Variants in SYNE4 observed in about 807,000 individuals in gnomAD.
SYNE4 encodes the protein nesprin-4.
SYNE4 carries 41 observed loss-of-function variants against 46.9 expected under a neutral mutation model. That is an observed-to-expected ratio of 0.87 (90% confidence interval 0.68 to 1.13). The LOEUF is 1.13. Among genes scored for constraint, SYNE4 ranks in the 50% most tolerant of loss-of-function variants. The pLI is 0.00. For synonymous variants in SYNE4, 221 were observed against 219.5 expected (o/e 1.01, Z -0.06); for missense variants, 492 against 514.8 (o/e 0.96, Z 0.43).
At chr19:36,004,866 CT>C (rs59700541) in intron 6 of SYNE4, among the ~76,000 whole-genome samples, 11,104 of 89,604 alleles carry the variant, frequency 0.12, 225 homozygotes, top group Middle Eastern at 0.18. Context: ...TTCTTTCTTT[CT>C]TTTTTTTTTT....
In SYNE4 at chr19:36,006,475, G is replaced by A. The variant is rs748964412; in HGVS notation, c.815C>T (p.Pro272Leu). The A allele has an allele frequency of 1.9e-6, 3 of 1,612,662 alleles. No individual in the cohort carries two copies. The highest frequency in any genetic ancestry group is 2.5e-6 in the Non-Finnish European group (3 of 1,179,442). ...GQKTARTLGV[P>L]CELCGQRGPQ... Reference sequence around the variant, plus strand: ...CCCCCTCTGGCCACACAGCTCACAGGGCACTCCTAGTGTCCGGGCTGTCTT... The same window carrying A: ...CCCCCTCTGGCCACACAGCTCACAGAGCACTCCTAGTGTCCGGGCTGTCTT... The change falls in exon 5 of 8, where the codon CCC (proline) becomes CTC (leucine). Residue 272 changes from proline to leucine, a missense_variant. By Grantham distance (98) the Pro-to-Leu change is moderately conservative. Transcript: ENST00000324444.
At chr19:36,006,228 G>C in intron 5 of SYNE4, 195 bp downstream of exon 5, 1 of 752,916 alleles carries the variant, frequency 1.3e-6, no homozygotes, top group Non-Finnish European at 2.0e-6. Context: ...GTGAATTTGA[G>C]ATGGGGCTTG....
In SYNE4 at chr19:36,005,543, A is replaced by G. The variant is rs141398351; in HGVS notation, c.868-106T>C. 1.3e-4 allele frequency: 128 copies of G among 977,754 alleles called. No individual in the cohort carries two copies. In the African/African-American group the frequency reaches 1.9e-3, roughly 14 times the overall value. 60.6% of individuals were successfully genotyped at this position (977,754 alleles called of 1,614,324 possible). On this transcript the variant is annotated intron_variant, in intron 5 of 7. Transcript: ENST00000324444. Reference sequence around the variant, plus strand: ...CAGAGAGATCTCACAGGACAGACAAAGGCAGAGCCAAAGAAACCAAGAGAG... The same window carrying G: ...CAGAGAGATCTCACAGGACAGACAAGGGCAGAGCCAAAGAAACCAAGAGAG...
At position 36,008,198 on chromosome 19, in the gene SYNE4, C is replaced by G; in HGVS notation, c.279+19G>C. On this transcript the variant is annotated intron_variant, in intron 2 of 7. Coordinates refer to ENST00000324444, the MANE Select transcript of SYNE4 (RefSeq NM_001039876.3). ...AGGAGGTGGGGCTGGCACAAGGGGTCTGGGTCACCTCAGCTCACCTCACAG... is the reference window on the plus strand; with the variant it reads ...AGGAGGTGGGGCTGGCACAAGGGGTGTGGGTCACCTCAGCTCACCTCACAG... The G allele has an allele frequency of 1.2e-6, 2 of 1,602,698 alleles. No homozygotes were observed. Among genetic ancestry groups the G allele is most frequent in the East Asian group, 4.5e-5 (2 of 44,596 alleles).
At chr19:36,005,163 T>C (rs558327053) in intron 6 of SYNE4, among the ~76,000 whole-genome samples, 170 bp downstream of exon 6, 13 of 151,962 alleles carry the variant, frequency 8.6e-5, no homozygotes, top group Non-Finnish European at 1.6e-4. Flanking sequence ...CCACTGCGCC[T>C]GGCCTGGCCC....
At chr19:36,006,298 G>T in intron 5 of SYNE4, 125 bp downstream of exon 5, 1 of 1,278,134 alleles carries the variant, frequency 7.8e-7, no homozygotes. Flanking sequence ...GACACCGAGA[G>T]ACAGAGATAG....
rs1976848476 is a variant in SYNE4, at chr19:36,006,320, G to A, written c.867+103C>T. On this transcript the variant is annotated intron_variant, in intron 5 of 7. Coordinates refer to ENST00000324444, the MANE Select transcript of SYNE4 (RefSeq NM_001039876.3). ...AGAGACAGAGATAGAGGGGGAGACA[G>A]AGCCACTGACACCTCCTTGGAAGGG... 4.9e-6 allele frequency: 7 copies of A among 1,434,770 alleles called. No individual in the cohort carries two copies. The Admixed American group carries it at 1.4e-4, about 29-fold the overall frequency. The allele number at this position is 1,434,770 out of a possible 1,614,324, so 88.9% of individuals were successfully genotyped here. A position where few individuals can be genotyped will look rare whatever the true frequency, so the allele number is the denominator to read the frequency against.
chr19:36,006,306 T>C, intron 5 of SYNE4, 117 bp downstream of exon 5: 1 of 1,262,078 alleles, frequency 7.9e-7, no homozygotes, highest in Non-Finnish European at 1.1e-6. Flanking sequence ...GAGACAGAGA[T>C]AGAGGGGGAG....
rs373753750 is a variant in SYNE4 at position 36,008,352 on chromosome 19, C to T, written c.144G>A (p.Gln48=). 1.9e-6 allele frequency: 3 copies of T among 1,561,290 alleles called. No homozygotes were observed. The highest frequency in any genetic ancestry group is 2.6e-6 in the Non-Finnish European group (3 of 1,151,184). Residue 48 remains glutamine (Q), a synonymous_variant, in exon 2 of 8, where the codon CAG becomes CAA. Coordinates refer to ENST00000324444, the MANE Select transcript of SYNE4 (RefSeq NM_001039876.3). Reference sequence around the variant, plus strand: ...GGCCCAAGGAGTCCTGTCCCAGGGTCTGGGCCTGCTCTGGGCTAGGAGGCA... The same window carrying T: ...GGCCCAAGGAGTCCTGTCCCAGGGTTTGGGCCTGCTCTGGGCTAGGAGGCA... The part of the protein sequence containing the change: ...GEESTSPEQA[Q]TLGQDSLGPP...
chr19:36,008,128 C>T, intron 2 of SYNE4, 89 bp downstream of exon 2: 1 of 1,457,632 alleles, frequency 6.9e-7, no homozygotes, highest in South Asian at 1.5e-5. Flanking sequence ...TTTCCAGAAT[C>T]ATCACCCGGT....
intron 5 of SYNE4, chr19:36,006,129 G>A (rs118146958): frequency 3.2e-5 from 12 of 377,660 alleles, no homozygotes; most frequent in East Asian, 1.6e-4. Flanking sequence ...TGGAGGTCAC[G>A]ACAGGCCTCC....
chr19:36,008,697 G>T lies in SYNE4; in HGVS notation c.-16C>A, dbSNP rs1017783692. On this transcript the variant is annotated 5_prime_UTR_variant, in exon 1 of 8. Transcript: ENST00000324444. Reference sequence around the variant, plus strand: ...ACAGGGCCATGGCTGGGGGCCTGGGGACACAAAGTCAGGTGAGGGCAGCCA... The same window carrying T: ...ACAGGGCCATGGCTGGGGGCCTGGGTACACAAAGTCAGGTGAGGGCAGCCA... 28 of 1,601,672 alleles carry T rather than the reference G, an allele frequency of 1.7e-5. No individual in the cohort carries two copies. The highest frequency in any genetic ancestry group is 2.3e-5 in the Non-Finnish European group (27 of 1,174,534).
At chr19:36,008,098 C>T (rs1244576118) in intron 2 of SYNE4, 119 bp downstream of exon 2, 13 of 1,334,078 alleles carry the variant, frequency 9.7e-6, no homozygotes, top group African/African-American at 3.0e-5. Flanking sequence ...AGGTCCCTCC[C>T]CCTACAGACA....
Position 36,004,249 on chromosome 19 carries a change from C to T in SYNE4, c.973-578G>A, listed in dbSNP as rs1351154810. Among the ~76,000 whole-genome samples, 4 of 152,306 alleles carry T rather than the reference C, an allele frequency of 2.6e-5. No individual in the cohort carries two copies. In the East Asian group the frequency reaches 7.7e-4, roughly 29 times the overall value. Reference sequence around the variant, plus strand: ...TGTTGCTCAGGCTGGTCTTGAACTCCTGGCCTTAAGCAATCCTCCTGCCTT... The same window carrying T: ...TGTTGCTCAGGCTGGTCTTGAACTCTTGGCCTTAAGCAATCCTCCTGCCTT... On this transcript the variant is annotated intron_variant, in intron 6 of 7. Coordinates refer to ENST00000324444, the MANE Select transcript of SYNE4 (RefSeq NM_001039876.3).
At chr19:36,004,866 C>CTTTTTTTTTTTT (rs59700541) in intron 6 of SYNE4, among the ~76,000 whole-genome samples, 7 of 89,908 alleles carry the variant, frequency 7.8e-5, no homozygotes, top group Admixed American at 1.5e-4. Flanking sequence ...TTCTTTCTTT[C>CTTTTTTTTTTTT]TTTTTTTTTT....
At chr19:36,004,924 C>G (rs1976797813) in intron 6 of SYNE4, among the ~76,000 whole-genome samples, 1 of 121,696 alleles carries the variant, frequency 8.2e-6, no homozygotes, top group African/African-American at 3.1e-5. Flanking sequence ...GTTGCTCAGA[C>G]TGGAGTGCAG....
chr19:36,006,845 C>G lies in SYNE4; in HGVS notation c.523G>C (p.Ala175Pro), dbSNP rs77925409. 4.8e-3 allele frequency: 7,603 copies of G among 1,592,706 alleles called. 290 individuals are homozygous for G. The African/African-American group carries it at 0.09, about 19-fold the overall frequency. ...AGGGCCCGCAGGATCTGCTCCAGGG[C>G]TGCCCAGGCCCTGGGCTCACTCCGC... ...AQRSEPRAWA[A>P]LEQILRALGA... Residue 175 changes from alanine (A) to proline (P), a missense_variant, in exon 4 of 8, where the codon GCC (alanine) becomes CCC (proline). Ala to Pro is a conservative substitution (Grantham distance 27). Coordinates refer to ENST00000324444, the MANE Select transcript of SYNE4 (RefSeq NM_001039876.3).
At chr19:36,007,395 C>G in intron 2 of SYNE4, 127 bp from the exon 3 acceptor site, 1 of 1,437,600 alleles carries the variant, frequency 7.0e-7, no homozygotes, top group Non-Finnish European at 9.1e-7. Flanking sequence ...CCGGGTCTGT[C>G]TGCACCAGGA....
At position 36,003,764 on chromosome 19, in the gene SYNE4, C is replaced by T. The variant is rs150431129; in HGVS notation, c.973-93G>A. ...GACGGAGTCTCACTCTTGGCACCCA[C>T]GCTGGACTGCAATGGCTCAATCTCA... On this transcript the variant is annotated intron_variant, in intron 6 of 7. Transcript: ENST00000324444. 1,648 of 1,527,688 alleles carry T rather than the reference C, an allele frequency of 1.1e-3. 5 individuals are homozygous for T. Among genetic ancestry groups the T allele is most frequent in the East Asian group, 2.3e-3 (94 of 40,832 alleles). The allele number at this position is 1,527,688 out of a possible 1,614,324, so 94.6% of individuals were successfully genotyped here.
Sources: gnomAD v4.1 joint callset for allele counts (sites outside exome capture counted in the v4.1 genomes callset) on GRCh38, gnomAD v4.1.1 for gene constraint, MANE v1.5 for transcripts, NCBI Gene and HGNC (gene_info 2026-07-23, HGNC 2026-07-21) for gene names.